The following DOC2A variants were observed in gnomAD, a reference collection of about 807,000 sequenced individuals.
The protein encoded by DOC2A is double C2 domain alpha, also known as double C2-like domain-containing protein alpha.
DOC2A carries 28 observed loss-of-function variants against 40.6 expected under a neutral mutation model. The observed-to-expected ratio is 0.69, with a 90% CI of 0.51 to 0.95. DOC2A has a LOEUF of 0.95. DOC2A is among the 40% of genes least tolerant of loss of function. The pLI, the probability that DOC2A is intolerant of heterozygous loss-of-function variation, is 0.00. For synonymous variants in DOC2A, 241 were observed against 236.9 expected (o/e 1.02, Z -0.16); for missense variants, 474 against 552.5 (o/e 0.86, Z 1.42).
intron 5 of DOC2A, 178 bp from the exon 6 acceptor site, chr16:30,007,477 A>G: frequency 1.3e-6 from 1 of 796,746 alleles, no homozygotes; most frequent in Non-Finnish European, 2.0e-6. Flanking sequence ...CTCTGCAGCC[A>G]CCCGGCTGTC....
In DOC2A at chr16:30,006,924, C is replaced by T. The variant is rs2070621677; in HGVS notation, c.739G>A (p.Gly247Arg). 3.1e-6 allele frequency: 5 copies of T among 1,613,276 alleles called. No homozygotes were observed. Among genetic ancestry groups the T allele is most frequent in the Non-Finnish European group, 4.2e-6 (5 of 1,179,602 alleles). ...KELEQAEQGQ[G>R]LLEERGRILL... ...ATGCGGCCACGCTCCTCCAGCAGCC[C>T]CTGCCCCTGCTCCGCCTGCTCCAAC... Residue 247 changes from glycine (G) to arginine (R), a missense_variant, in exon 8 of 11, where the codon GGG becomes AGG. Gly to Arg is a moderately radical substitution (Grantham distance 125). Coordinates refer to ENST00000350119, the MANE Select transcript of DOC2A (RefSeq NM_003586.3). The surrounding 1 kb of genome is among the most constrained non-coding windows in gnomAD (Gnocchi z 6.2).
intron 5 of DOC2A, 118 bp from the exon 6 acceptor site, chr16:30,007,417 G>A: frequency 6.9e-7 from 1 of 1,439,570 alleles, no homozygotes. Flanking sequence ...CTGGAAGACA[G>A]GCTGGCACTT....
rs1567283319 is a variant in DOC2A, at chr16:30,010,066, GGGCCTCCCC to G, written c.148_156del (p.Gly50_Ala52del). 3.7e-6 allele frequency: 6 copies of G among 1,611,134 alleles called. No homozygotes were observed. In the African/African-American group the frequency reaches 5.3e-5, roughly 14 times the overall value. On this transcript the variant is annotated inframe_deletion, in exon 2 of 11. Transcript: ENST00000350119. This position sits in a 1 kb window ranked among gnomAD's most constrained non-coding sequence, Gnocchi z 4.2. ...AGAGCCAGGGGGACCAGATGGGCGG[GGGCCTCCCC>G]GCCGCCCCCGCCGCCCCCTTCAGGT...
upstream of DOC2A, among the ~76,000 whole-genome samples, chr16:30,016,966 C>G (rs1472678182): frequency 1.3e-5 from 2 of 152,106 alleles, no homozygotes; most frequent in Non-Finnish European, 2.9e-5. Context: ...TCAACTGAGA[C>G]CTGAAAGATG....
chr16:30,008,965 G>A, intron 5 of DOC2A, 31 bp downstream of exon 5: 1 of 1,453,330 alleles, frequency 6.9e-7, no homozygotes. Context: ...TCCCCGAGCT[G>A]CTGCTGGGTG....
chr16:30,016,055 ATTTTTTTTTT>A (rs59271933), upstream of DOC2A, among the ~76,000 whole-genome samples: 2 of 16,902 alleles, frequency 1.2e-4, no homozygotes, highest in South Asian at 3.7e-3. Context: ...ATATATATAT[ATTTTTTTTTT>A]TTTTTTTTTT....
intron 5 of DOC2A, chr16:30,008,225 C>G (rs951765263): frequency 2.0e-5 from 3 of 152,938 alleles, no homozygotes; most frequent in South Asian, 4.1e-4. Context: ...AGCAAGTTCC[C>G]TGTCCCTGAA....
upstream of DOC2A, among the ~76,000 whole-genome samples, chr16:30,016,487 G>T (rs1208566726): frequency 6.6e-6 from 1 of 152,208 alleles, no homozygotes; most frequent in Non-Finnish European, 1.5e-5. Flanking sequence ...CTGGGCGCAG[G>T]GGGCCTGCAG....
chr16:30,018,591 C>G (rs1460021386), intron 1 of DOC2A: 1 of 152,174 alleles, frequency 6.6e-6, no homozygotes, highest in Non-Finnish European at 1.5e-5. Flanking sequence ...GGACCATCCA[C>G]TGAGACGAAA....
upstream of DOC2A, chr16:30,023,146 C>A (rs765786364): frequency 3.5e-4 from 176 of 500,740 alleles, no homozygotes; most frequent in Non-Finnish European, 5.1e-4. Flanking sequence ...GGGCTGCCAC[C>A]ATTATGGTTT....
chr16:30,007,866 C>T (rs949979450), intron 5 of DOC2A: 1 of 195,006 alleles, frequency 5.1e-6, no homozygotes, highest in Non-Finnish European at 1.1e-5. Flanking sequence ...TTCTGAGCCA[C>T]CTGTGTGACC....
rs1276199914 is a variant in DOC2A at position 30,010,007 on chromosome 16, C to T, written c.216G>A (p.Thr72=). ...TGTCCACCTCCGCACCATCCTCAGG[C>T]GTGGTGGCCCCAAGGAGGGCTGCAG... ...APPAALLGAT[T]PEDGAEVDSY... Residue 72 remains threonine, a synonymous_variant, in exon 2 of 11, where the codon ACG becomes ACA. Transcript: ENST00000350119. The surrounding 1 kb of genome is among the most constrained non-coding windows in gnomAD (Gnocchi z 4.2). 16 of 1,612,048 alleles carry T rather than the reference C, an allele frequency of 9.9e-6. No individual in the cohort carries two copies. The Admixed American group carries it at 2.2e-4, about 22-fold the overall frequency.
chr16:30,010,606 C>T lies in DOC2A; in HGVS notation c.-14+297G>A, dbSNP rs929540422. 6.0e-6 allele frequency: 2 copies of T among 332,414 alleles called. No homozygotes were observed. Among genetic ancestry groups the T allele is most frequent in the Non-Finnish European group, 1.2e-5 (2 of 172,330 alleles). The allele number at this position is 332,414 out of a possible 1,614,324, so 20.6% of individuals were successfully genotyped here. On this transcript the variant is annotated intron_variant, in intron 1 of 10. Coordinates refer to ENST00000350119, the MANE Select transcript of DOC2A (RefSeq NM_003586.3). This position sits in a 1 kb window ranked among gnomAD's most constrained non-coding sequence, Gnocchi z 4.2. ...CCTGCAGGGCCCCGCCTCTGTTTCTCGGAGGCTCTGTCCTCCTCTGCACCA... is the reference window on the plus strand; with the variant it reads ...CCTGCAGGGCCCCGCCTCTGTTTCTTGGAGGCTCTGTCCTCCTCTGCACCA...
rs766856460 is a variant in DOC2A, at chr16:30,006,671, C to CA, written c.884dup (p.Arg296GlufsTer11). The CA allele has an allele frequency of 1.2e-6, 2 of 1,613,750 alleles. No individual in the cohort carries two copies. Among genetic ancestry groups the CA allele is most frequent in the Non-Finnish European group, 1.7e-6 (2 of 1,179,968 alleles). On this transcript the variant is annotated frameshift_variant, in exon 9 of 11. Coordinates refer to ENST00000350119, the MANE Select transcript of DOC2A (RefSeq NM_003586.3). LOFTEE classifies it high-confidence loss of function. The surrounding 1 kb of genome is among the most constrained non-coding windows in gnomAD (Gnocchi z 6.2). ...TGGATTTCTTGTCCACATCGGGCCTCAGGTACCTGGGGGTGGGGTGGAGGG... is the reference window on the plus strand; with the variant it reads ...TGGATTTCTTGTCCACATCGGGCCTCAAGGTACCTGGGGGTGGGGTGGAGGG...
At chr16:30,016,020 A>AATAT (rs1161591964), upstream of DOC2A, among the ~76,000 whole-genome samples, 527 of 61,086 alleles carry the variant, frequency 8.6e-3, 6 homozygotes, top group African/African-American at 0.016. Context: ...CCAGCACAAT[A>AATAT]ATATATATAT....
chr16:30,022,499 CATT>C (rs1261636212), upstream of DOC2A, among the ~76,000 whole-genome samples: 8 of 151,808 alleles, frequency 5.3e-5, no homozygotes, highest in Non-Finnish European at 1.0e-4. Context: ...AGCAAGCCCT[CATT>C]TCTACAAAAA....
upstream of DOC2A, among the ~76,000 whole-genome samples, chr16:30,022,707 G>T (rs919910086): frequency 6.6e-6 from 1 of 151,880 alleles, no homozygotes; most frequent in Non-Finnish European, 1.5e-5. Context: ...AGGCCGAGGC[G>T]AACAGATCAC....
In DOC2A at chr16:30,010,799, A is replaced by G; in HGVS notation, c.-14+104T>C. ...CCACCTCTGGCTCCTCAGGGGAGCCAGAAATTGCAGCCGCAGGAGAGCCGA... is the reference window on the plus strand; with the variant it reads ...CCACCTCTGGCTCCTCAGGGGAGCCGGAAATTGCAGCCGCAGGAGAGCCGA... On this transcript the variant is annotated intron_variant, in intron 1 of 10. Coordinates refer to ENST00000350119, the MANE Select transcript of DOC2A (RefSeq NM_003586.3). This position sits in a 1 kb window ranked among gnomAD's most constrained non-coding sequence, Gnocchi z 4.2. 3.5e-6 allele frequency: 3 copies of G among 864,888 alleles called. No homozygotes were observed. The highest frequency in any genetic ancestry group is 8.9e-5 in the South Asian group (2 of 22,576). The allele number at this position is 864,888 out of a possible 1,614,324, so 53.6% of individuals were successfully genotyped here.
chr16:30,022,689 G>A (rs187249910), upstream of DOC2A, among the ~76,000 whole-genome samples: 61 of 151,604 alleles, frequency 4.0e-4, no homozygotes, highest in Non-Finnish European at 6.9e-4. Context: ...TAGGCCGGGC[G>A]CTTTGGGAGG....
Sources: allele counts gnomAD v4.1 joint callset (sites outside exome capture counted in the v4.1 genomes callset), GRCh38; gene constraint gnomAD v4.1.1; non-coding constraint Gnocchi (gnomAD v3.1); transcripts MANE v1.5; gene names NCBI Gene and HGNC (gene_info 2026-07-23, HGNC 2026-07-21).